The following ATP11A variants were observed in gnomAD, a reference collection of about 807,000 sequenced individuals.
ATP11A encodes ATPase phospholipid transporting 11A, also known as phospholipid-transporting ATPase IH.
In ATP11A, 81 loss-of-function variants were observed where a neutral mutation model predicts 154.4. The ratio of observed to expected loss-of-function variants is 0.52; its 90% CI spans 0.44 to 0.63. The LOEUF (loss-of-function observed/expected upper bound fraction) is 0.63. Ranked by LOEUF, ATP11A falls within the 30% of genes least tolerant of loss-of-function variation. ATP11A has a pLI of 0.00. For missense variants in ATP11A, 1,316 were observed against 1,474.3 expected (o/e 0.89, Z 1.76); for synonymous variants, 623 against 585.9 (o/e 1.06, Z -0.91).
At chr13:112,729,466 C>T (rs1890253942) in intron 1 of ATP11A, among the ~76,000 whole-genome samples, 1 of 152,076 alleles carries the variant, frequency 6.6e-6, no homozygotes, top group Non-Finnish European at 1.5e-5. Flanking sequence ...GCATTGCAGG[C>T]CCAGAGTATC....
chr13:112,737,822 C>A (rs929959477), intron 1 of ATP11A, among the ~76,000 whole-genome samples: 22 of 152,168 alleles, frequency 1.4e-4, no homozygotes, highest in African/African-American at 5.3e-4. Context: ...AGGTTTGCTG[C>A]CAGTGCTACA....
chr13:112,874,444 G>A (rs2080650202), intron 27 of ATP11A, among the ~76,000 whole-genome samples: 1 of 152,186 alleles, frequency 6.6e-6, no homozygotes, highest in Non-Finnish European at 1.5e-5. Context: ...GAGCGACATA[G>A]GCAGGGTGGT....
intron 2 of ATP11A, among the ~76,000 whole-genome samples, chr13:112,790,369 C>T (rs1245387807): frequency 6.6e-6 from 1 of 150,756 alleles, no homozygotes; most frequent in Non-Finnish European, 1.5e-5. Flanking sequence ...GCCATGTAGA[C>T]TTCTGTGTAG....
intron 25 of ATP11A, among the ~76,000 whole-genome samples, chr13:112,870,004 C>T (rs982670317): frequency 9.2e-5 from 14 of 152,194 alleles, no homozygotes; most frequent in Non-Finnish European, 2.1e-4. Context: ...GCAGACCCCA[C>T]GCCCCAGAAA....
Position 112,809,491 on chromosome 13 carries a change from C to T in ATP11A, c.334-1128C>T, listed in dbSNP as rs150678847. 6.6e-3 allele frequency among the ~76,000 whole-genome samples: 1,007 copies of T among 152,286 alleles called. 18 individuals are homozygous for T. The highest frequency in any genetic ancestry group is 0.023 in the African/African-American group (954 of 41,560). On this transcript the variant is annotated intron_variant, in intron 4 of 29. Transcript: ENST00000375645. ...CCTCCTGCCCCACAGGCTCTTGCAA[C>T]CTACCTGCAGCGGGCCCGTGGCACA...
At position 112,810,739 on chromosome 13, in the gene ATP11A, C is replaced by T. The variant is rs75333411; in HGVS notation, c.441+13C>T. The T allele has an allele frequency of 7.8e-4, 1,258 of 1,610,586 alleles. 11 individuals are homozygous for T. In the African/African-American group the frequency reaches 0.015, roughly 19 times the overall value. ...TCGAAAGCTGCGAGTAAGTGACACC[C>T]GACACATTTACGCTGGTGAAGTCCA... On this transcript the variant is annotated intron_variant, in intron 5 of 29. Transcript: ENST00000375645.
chr13:112,810,551 C>A, intron 4 of ATP11A, 68 bp from the exon 5 acceptor site: 1 of 1,300,274 alleles, frequency 7.7e-7, no homozygotes, highest in South Asian at 1.2e-5. Context: ...CCTTCTGTCT[C>A]TCCCTCCCTT....
intron 6 of ATP11A, among the ~76,000 whole-genome samples, chr13:112,817,542 A>G (rs2078678100): frequency 6.6e-6 from 1 of 152,054 alleles, no homozygotes; most frequent in Non-Finnish European, 1.5e-5. Context: ...ACCTGGGAGG[A>G]GGTTAAGGTT....
chr13:112,725,909 G>A (rs1889812844), intron 1 of ATP11A, among the ~76,000 whole-genome samples: 1 of 152,242 alleles, frequency 6.6e-6, no homozygotes, highest in South Asian at 2.1e-4. Context: ...GGTGACGAGG[G>A]TGCCCCTGAA....
rs1411045819 is a variant in ATP11A, at chr13:112,855,923, T to G, written c.2256T>G (p.Asp752Glu). The change falls in exon 20 of 30, where the codon GAT becomes GAG. Residue 752 changes from aspartate to glutamate, a missense_variant. Physicochemically the swap from Asp to Glu is conservative, Grantham distance 45. Around this residue, in one of 5 missense-constraint regions of ATP11A, gnomAD observed 876 missense variants for 1,006.8 expected, o/e 0.87. Transcript: ENST00000375645. ...TRDNLSGLSA[D>E]MQDYGLIIDG... ...CGTACTCTAACAGACTTTCAGCAGA[T>G]ATGCAGGACTACGGTTTAATTATCG... is the stretch of plus-strand genomic sequence containing the variant. 6.2e-7 allele frequency: 1 copy of G among 1,610,934 alleles called. No homozygotes were observed. The highest frequency in any genetic ancestry group is 8.5e-7 in the Non-Finnish European group (1 of 1,178,056).
chr13:112,737,259 CA>C (rs1891086147), intron 1 of ATP11A, among the ~76,000 whole-genome samples: 1 of 152,152 alleles, frequency 6.6e-6, no homozygotes, highest in East Asian at 1.9e-4. Flanking sequence ...GGAGGGTCCA[CA>C]GTCACAACAG....
chr13:112,874,572 G>A (rs1328763787), intron 27 of ATP11A, among the ~76,000 whole-genome samples: 5 of 152,168 alleles, frequency 3.3e-5, no homozygotes, highest in African/African-American at 1.2e-4. Context: ...GCAGACCTGG[G>A]GTCAGTAGCC....
intron 24 of ATP11A, among the ~76,000 whole-genome samples, chr13:112,862,227 T>C (rs2080130639): frequency 6.6e-6 from 1 of 152,244 alleles, no homozygotes; most frequent in African/African-American, 2.4e-5. Flanking sequence ...AGAAAATATC[T>C]GAGCAAAAGT....
rs2078360660 is a variant in ATP11A at position 112,807,659 on chromosome 13, T to C, written c.333+1366T>C. The stretch of plus-strand genomic sequence containing the variant: ...CATCAACTTCACAAGGAAATGGTGC[T>C]GAAGGAAACGATGTTACTCGGGGAC... On this transcript the variant is annotated intron_variant, in intron 4 of 29. Transcript: ENST00000375645. This position sits in a 1 kb window ranked among gnomAD's most constrained non-coding sequence, Gnocchi z 4.5. 6.6e-6 allele frequency among the ~76,000 whole-genome samples: 1 copy of C among 152,160 alleles called. No homozygotes were observed. The highest frequency in any genetic ancestry group is 6.5e-5 in the Admixed American group (1 of 15,280).
chr13:112,738,189 A>G (rs1304322884), intron 1 of ATP11A, among the ~76,000 whole-genome samples: 1 of 152,134 alleles, frequency 6.6e-6, no homozygotes, highest in African/African-American at 2.4e-5. Context: ...CTGGCCAAAC[A>G]TGGTGAAACC....
chr13:112,820,005 A>G, intron 8 of ATP11A, 55 bp downstream of exon 8: 2 of 1,492,838 alleles, frequency 1.3e-6, no homozygotes, highest in Non-Finnish European at 1.8e-6. Flanking sequence ...TGCGTTAGAA[A>G]TGCATTCTTT....
At chr13:112,827,942 A>C (rs1270478086) in intron 12 of ATP11A, among the ~76,000 whole-genome samples, 2 of 152,260 alleles carry the variant, frequency 1.3e-5, no homozygotes, top group African/African-American at 4.8e-5. Context: ...ACTATAATTT[A>C]GTTGTTCAAT....
chr13:112,834,401 A>G (rs559181669), intron 14 of ATP11A, among the ~76,000 whole-genome samples, 188 bp from the exon 15 acceptor site: 1 of 152,354 alleles, frequency 6.6e-6, no homozygotes, highest in South Asian at 2.1e-4. Flanking sequence ...CTCTTGGAAG[A>G]TTTTTTGAGA....
chr13:112,692,801 A>G (rs1272609494), intron 1 of ATP11A, among the ~76,000 whole-genome samples: 1 of 152,190 alleles, frequency 6.6e-6, no homozygotes, highest in African/African-American at 2.4e-5. Context: ...GACTTTTTCC[A>G]GAAACAGTCA....
Sources: gnomAD v4.1 joint callset for allele counts (sites outside exome capture counted in the v4.1 genomes callset) on GRCh38, gnomAD v4.1.1 for gene constraint, gnomAD v4.1.1 regional missense constraint, Gnocchi (gnomAD v3.1) non-coding constraint, MANE v1.5 for transcripts, NCBI Gene and HGNC (gene_info 2026-07-23, HGNC 2026-07-21) for gene names.